The following MYO5A variants were observed in gnomAD, a reference collection of about 807,000 sequenced individuals.
MYO5A encodes unconventional myosin-Va.
A neutral mutation model predicts 249.7 loss-of-function variants in MYO5A; 98 were observed. The observed-to-expected ratio is 0.39, with a 90% confidence interval of 0.33 to 0.46. The LOEUF (loss-of-function observed/expected upper bound fraction) is 0.46, where lower values mean the gene tolerates loss of function less well. Ranked by LOEUF, MYO5A falls within the 20% of genes least tolerant of loss-of-function variation. The probability of loss-of-function intolerance (pLI) is 0.98; values close to 1 mark genes in which losing one functional copy is unlikely to be tolerated. For synonymous variants in MYO5A, 778 were observed against 810.6 expected, an observed-to-expected ratio of 0.96 and a Z score of 0.68; for missense variants, 1,696 against 2,308.8, an observed-to-expected ratio of 0.73 and a Z score of 5.44.
At chr15:52,364,825 T>A in intron 23 of MYO5A, 123 bp from the exon 24 acceptor site, 1 of 1,084,704 alleles carries the variant, frequency 9.2e-7, no homozygotes, top group Non-Finnish European at 1.3e-6. Context: ...CTGTGATCCA[T>A]GAAGAGTGTC....
rs570866698 is a variant in MYO5A at position 52,518,293 on chromosome 15, T to C, written c.27+10487A>G. 1.3e-3 allele frequency among the ~76,000 whole-genome samples: 185 copies of C among 145,442 alleles called. 3 individuals are homozygous for C. The highest frequency in any genetic ancestry group is 0.011 in the South Asian group (50 of 4,578). On this transcript the variant is annotated intron_variant, in intron 1 of 41. Transcript: ENST00000399233. ...AAAAAAAAAAAAAAAAAAAGAATTA[T>C]CCAGCCTACTATCAGTGGTGCAGAG...
At chr15:52,498,023 G>A (rs902803873) in intron 1 of MYO5A, among the ~76,000 whole-genome samples, 2 of 151,982 alleles carry the variant, frequency 1.3e-5, no homozygotes, top group African/African-American at 4.8e-5. Context: ...CAATGTCTGA[G>A]CATTCATTCC....
intron 1 of MYO5A, among the ~76,000 whole-genome samples, chr15:52,490,113 G>C (rs752846229): frequency 1.3e-5 from 2 of 152,190 alleles, no homozygotes; most frequent in African/African-American, 2.4e-5. Flanking sequence ...TTGTGCCCTG[G>C]AGAAATTAGA....
chr15:52,483,160 T>C (rs1461652610), intron 1 of MYO5A, among the ~76,000 whole-genome samples: 1 of 152,196 alleles, frequency 6.6e-6, no homozygotes. Context: ...GGTTTATCTT[T>C]TCCATACTTG....
intron 38 of MYO5A, among the ~76,000 whole-genome samples, chr15:52,319,636 C>T (rs1267258895): frequency 6.6e-6 from 1 of 152,102 alleles, no homozygotes. Context: ...AAGGCTGAGG[C>T]AGGACAATCA....
intron 1 of MYO5A, among the ~76,000 whole-genome samples, chr15:52,470,604 C>A (rs573790705): frequency 6.6e-6 from 1 of 151,838 alleles, no homozygotes; most frequent in African/African-American, 2.4e-5. Flanking sequence ...GAGCCAAGAT[C>A]GCACCATTGC....
rs569613731 is a variant in MYO5A, at chr15:52,500,993, G to A, written c.27+27787C>T. On this transcript the variant is annotated intron_variant, in intron 1 of 41. Transcript: ENST00000399233. ...TCAGAAAACTTTTTTTTTTTGAGAC[G>A]GAGTCTTGCTCTGTCGCCCAGGCTG... is the stretch of plus-strand genomic sequence containing the variant. 2.7e-5 allele frequency among the ~76,000 whole-genome samples: 4 copies of A among 150,408 alleles called. No individual in the cohort carries two copies. The South Asian group carries it at 6.3e-4, about 24-fold the overall frequency.
chr15:52,388,507 C>T (rs1389299134), intron 13 of MYO5A, among the ~76,000 whole-genome samples: 2 of 152,094 alleles, frequency 1.3e-5, no homozygotes, highest in African/African-American at 2.4e-5. Flanking sequence ...TTTAGGTGGC[C>T]CTAGGGTCAT....
intron 1 of MYO5A, among the ~76,000 whole-genome samples, chr15:52,447,816 T>C (rs1202490935): frequency 6.6e-6 from 1 of 152,176 alleles, no homozygotes; most frequent in African/African-American, 2.4e-5. Flanking sequence ...TGTGGAACTT[T>C]GAACTTGAGA....
intron 1 of MYO5A, among the ~76,000 whole-genome samples, chr15:52,499,058 G>A (rs546765766): frequency 6.6e-6 from 1 of 152,286 alleles, no homozygotes; most frequent in South Asian, 2.1e-4. Context: ...CCAAGGCAAG[G>A]CAAAATTGTG....
chr15:52,402,144 A>G (rs910690518), intron 9 of MYO5A, among the ~76,000 whole-genome samples: 2 of 152,220 alleles, frequency 1.3e-5, no homozygotes, highest in East Asian at 3.8e-4. Context: ...CGCCTAGGCC[A>G]CTACCAGCCC....
intron 1 of MYO5A, among the ~76,000 whole-genome samples, chr15:52,466,786 TG>T (rs2076362978): frequency 6.6e-6 from 1 of 152,138 alleles, no homozygotes; most frequent in Non-Finnish European, 1.5e-5. Flanking sequence ...TCCAGGCCCC[TG>T]GGGGTTCCAT....
chr15:52,469,827 C>A (rs1190477542), intron 1 of MYO5A, among the ~76,000 whole-genome samples: 2 of 152,126 alleles, frequency 1.3e-5, no homozygotes, highest in Non-Finnish European at 2.9e-5. Context: ...TTCTCACAGT[C>A]CGGCACTGGT....
At chr15:52,385,939 A>G (rs1041225694) in intron 14 of MYO5A, among the ~76,000 whole-genome samples, 1 of 152,208 alleles carries the variant, frequency 6.6e-6, no homozygotes, top group Non-Finnish European at 1.5e-5. Flanking sequence ...GTCAGAATGC[A>G]TACCCACCTT....
chr15:52,414,888 G>A (rs1242979300), intron 5 of MYO5A, among the ~76,000 whole-genome samples: 3 of 151,912 alleles, frequency 2.0e-5, no homozygotes, highest in African/African-American at 4.8e-5. Context: ...ACTCTCTTTC[G>A]GTGCAAACAT....
At position 52,484,776 on chromosome 15, in the gene MYO5A, T is replaced by C. The variant is rs115927843; in HGVS notation, c.27+44004A>G. Among the ~76,000 whole-genome samples, 338 of 152,298 alleles carry C rather than the reference T, an allele frequency of 2.2e-3. 1 individual carries two copies. The highest frequency in any genetic ancestry group is 7.8e-3 in the African/African-American group (323 of 41,558). On this transcript the variant is annotated intron_variant, in intron 1 of 41. Coordinates refer to ENST00000399233, the MANE Select transcript of MYO5A (RefSeq NM_001382347.1). ...TCTCCTGCCTTAGTCTCCGAGTAGCTGGGATTGCAGGCACCCACCACCACG... is the reference window on the plus strand; with the variant it reads ...TCTCCTGCCTTAGTCTCCGAGTAGCCGGGATTGCAGGCACCCACCACCACG...
chr15:52,446,011 G>T (rs56315558), intron 1 of MYO5A, among the ~76,000 whole-genome samples: 22,874 of 152,280 alleles, frequency 0.15, 1,827 homozygotes, highest in Middle Eastern at 0.22. Context: ...GATAGCTTTT[G>T]CAAGAGAGAA....
In MYO5A at chr15:52,351,264, A is replaced by G. The variant is rs764756469; in HGVS notation, c.3839T>C (p.Ile1280Thr). 2.5e-6 allele frequency: 4 copies of G among 1,613,986 alleles called. No individual in the cohort carries two copies. The African/African-American group carries it at 4.0e-5, about 16-fold the overall frequency. The change falls in exon 28 of 42, where the codon ATC becomes ACC. Residue 1280 changes from isoleucine (I) to threonine (T), a missense_variant. Coordinates refer to ENST00000399233, the MANE Select transcript of MYO5A (RefSeq NM_001382347.1). Reference sequence around the variant, plus strand: ...TGTGCTTGCGCTTACCTTGGGTTGGATGGCCTCTTTCTGGCTCACCAGTTG... The same window carrying G: ...TGTGCTTGCGCTTACCTTGGGTTGGGTGGCCTCTTTCTGGCTCACCAGTTG... ...RSQLVSQKEA[I>T]QPKDDKNTMT...
At chr15:52,405,484 T>A (rs771058807) in intron 8 of MYO5A, 91 bp from the exon 9 acceptor site, 7 of 916,676 alleles carry the variant, frequency 7.6e-6, no homozygotes, top group Admixed American at 1.9e-5. Context: ...TGTTAATTCC[T>A]GAATATTGCC....
Sources: allele counts gnomAD v4.1 joint callset (sites outside exome capture counted in the v4.1 genomes callset), GRCh38; gene constraint gnomAD v4.1.1; transcripts MANE v1.5; gene names NCBI Gene and HGNC (gene_info 2026-07-23, HGNC 2026-07-21).